KIF1B: variants seen among roughly 807,000 people sequenced by gnomAD.
KIF1B encodes the protein kinesin-like protein KIF1B.
KIF1B carries 76 observed loss-of-function variants against 241.9 expected under a neutral mutation model. That is an observed-to-expected ratio of 0.31 (90% CI 0.26 to 0.38). KIF1B has a LOEUF of 0.38. KIF1B is among the 10% of genes least tolerant of loss of function. KIF1B has a pLI of 1.00. For missense variants in KIF1B, 1,622 were observed against 2,271.4 expected (o/e 0.71, Z 5.81); for synonymous variants, 750 against 796.7 (o/e 0.94, Z 0.99).
chr1:10,369,105 G>T (rs1288362968), intron 44 of KIF1B, among the ~76,000 whole-genome samples: 1 of 152,116 alleles, frequency 6.6e-6, no homozygotes, highest in Non-Finnish European at 1.5e-5. Flanking sequence ...CACCTCCTGT[G>T]AGTCGACTCT....
intron 2 of KIF1B, among the ~76,000 whole-genome samples, chr1:10,246,112 A>C (rs573572952): frequency 3.9e-5 from 6 of 152,274 alleles, no homozygotes; most frequent in African/African-American, 1.4e-4. Flanking sequence ...CCAGCTGCCA[A>C]CTGAACTCTA....
intron 28 of KIF1B, among the ~76,000 whole-genome samples, chr1:10,336,028 T>C: frequency 6.6e-6 from 1 of 152,184 alleles, no homozygotes. Context: ...TATATGGAAG[T>C]CTCCTCCACA....
At chr1:10,260,078 C>T (rs1425314243) in intron 4 of KIF1B, among the ~76,000 whole-genome samples, 4 of 152,088 alleles carry the variant, frequency 2.6e-5, no homozygotes, top group African/African-American at 9.7e-5. Context: ...GTGCTTTTGT[C>T]ATTGTACAGA....
At chr1:10,304,508 A>T in intron 22 of KIF1B, 1 of 1,612,982 alleles carries the variant, frequency 6.2e-7, no homozygotes, top group African/African-American at 1.3e-5. Flanking sequence ...ACTGGAGGTC[A>T]GTTAGAGGGC....
At chr1:10,372,039 C>T (rs951794791) in intron 45 of KIF1B, among the ~76,000 whole-genome samples, 3 of 152,196 alleles carry the variant, frequency 2.0e-5, no homozygotes, top group Non-Finnish European at 4.4e-5. Flanking sequence ...CAATTATGCT[C>T]ACCTGGTTAT....
At position 10,248,427 on chromosome 1, in the gene KIF1B, C is replaced by T. The variant is rs571265752; in HGVS notation, c.107-7820C>T. On this transcript the variant is annotated intron_variant, in intron 2 of 48. Transcript: ENST00000676179. ...TGTTGCCCAGGCTGGTCTCAAACTC[C>T]TGGGCTCAAGTGATCCTCCTACCTC... Among the ~76,000 whole-genome samples, 7 of 152,210 alleles carry T rather than the reference C, an allele frequency of 4.6e-5. 2 individuals are homozygous for T. The highest frequency in any genetic ancestry group is 1.7e-4 in the African/African-American group (7 of 41,522).
chr1:10,346,460 G>A lies in KIF1B; in HGVS notation c.3797+507G>A, dbSNP rs1037031480. Among the ~76,000 whole-genome samples, 122 of 152,166 alleles carry A rather than the reference G, an allele frequency of 8.0e-4. 2 individuals are homozygous for A. Among genetic ancestry groups the A allele is most frequent in the African/African-American group, 2.9e-3 (121 of 41,522 alleles). On this transcript the variant is annotated intron_variant, in intron 35 of 48. Coordinates refer to ENST00000676179, the MANE Select transcript of KIF1B (RefSeq NM_001365951.3). The stretch of plus-strand genomic sequence containing the variant: ...GCTCACTGCAACCTCTGCCTCCCAG[G>A]TTCAAGCGATTCTCCTGCCTCAGCC...
At chr1:10,276,956 C>T (rs1316556176) in intron 12 of KIF1B, among the ~76,000 whole-genome samples, 1 of 152,012 alleles carries the variant, frequency 6.6e-6, no homozygotes, top group East Asian at 1.9e-4. Context: ...TGCCATGCAC[C>T]TGTAATCCTA....
chr1:10,297,137 A>G, intron 21 of KIF1B, 37 bp from the exon 22 acceptor site: 2 of 1,604,602 alleles, frequency 1.2e-6, no homozygotes, highest in Non-Finnish European at 1.7e-6. Context: ...TAATACTAAT[A>G]GCATTCTTGA....
At chr1:10,216,956 T>TC (rs1646775618) in intron 1 of KIF1B, among the ~76,000 whole-genome samples, 1 of 108,424 alleles carries the variant, frequency 9.2e-6, no homozygotes, top group Non-Finnish European at 1.9e-5. Context: ...TTGCCCATTT[T>TC]CTTTTTTTTT....
At chr1:10,268,320 C>T (rs565962193) in intron 7 of KIF1B, 57 bp downstream of exon 7, 2 of 1,171,286 alleles carry the variant, frequency 1.7e-6, no homozygotes, top group East Asian at 2.4e-5. Context: ...TTTGAGAAGT[C>T]CCTTTTGTTG....
At position 10,368,492 on chromosome 1, in the gene KIF1B, T is replaced by C; in HGVS notation, c.4778T>C (p.Phe1593Ser). The C allele has an allele frequency of 6.2e-7, 1 of 1,614,052 alleles. No individual in the cohort carries two copies. Among genetic ancestry groups the C allele is most frequent in the Non-Finnish European group, 8.5e-7 (1 of 1,179,956 alleles). ...TGCCTGCAACTTCTCACCCACACTT[T>C]CAACAGAGAATTCAGCCAGGTGCAC... is the stretch of plus-strand genomic sequence containing the variant. Reference protein sequence around the residue: ...TKCLQLLTHTFNREFSQVHGS... With the variant: ...TKCLQLLTHTSNREFSQVHGS... The change falls in exon 44 of 49, where the codon TTC becomes TCC. Residue 1593 changes from phenylalanine (F) to serine (S), a missense_variant. Around this residue, in one of 7 missense-constraint regions of KIF1B, gnomAD observed 357 missense variants for 409.0 expected, o/e 0.87. Transcript: ENST00000676179.
At chr1:10,267,087 G>A (rs939386256) in intron 5 of KIF1B, among the ~76,000 whole-genome samples, 3 of 151,280 alleles carry the variant, frequency 2.0e-5, no homozygotes, top group Non-Finnish European at 4.4e-5. Context: ...GTGTGATATC[G>A]GCTCACTCTA....
chr1:10,259,092 C>G (rs1335402725), intron 4 of KIF1B, among the ~76,000 whole-genome samples: 1 of 148,688 alleles, frequency 6.7e-6, no homozygotes, highest in Non-Finnish European at 1.5e-5. Flanking sequence ...GAGATACTTT[C>G]ATTTTATTTT....
At chr1:10,224,889 G>A (rs796333115) in intron 1 of KIF1B, among the ~76,000 whole-genome samples, 19 of 152,240 alleles carry the variant, frequency 1.2e-4, no homozygotes, top group African/African-American at 4.3e-4. Flanking sequence ...TGTGGAAGAC[G>A]GTTTTTCCAC....
intron 28 of KIF1B, among the ~76,000 whole-genome samples, chr1:10,336,302 C>A (rs976548592): frequency 6.6e-6 from 1 of 152,148 alleles, no homozygotes; most frequent in Non-Finnish European, 1.5e-5. Context: ...GTGCCCGCCA[C>A]CACGCCCGGC....
At chr1:10,249,078 C>T (rs1253467017) in intron 2 of KIF1B, among the ~76,000 whole-genome samples, 2 of 152,208 alleles carry the variant, frequency 1.3e-5, no homozygotes, top group Non-Finnish European at 2.9e-5. Flanking sequence ...GGAAAAGTGG[C>T]GACTTGTCCT....
At chr1:10,297,797 T>G (rs1302873937) in intron 22 of KIF1B, among the ~76,000 whole-genome samples, 1 of 152,162 alleles carries the variant, frequency 6.6e-6, no homozygotes, top group African/African-American at 2.4e-5. Context: ...GAATTCTCAA[T>G]CAGGTTCTCA....
At chr1:10,246,153 A>G (rs1647208260) in intron 2 of KIF1B, among the ~76,000 whole-genome samples, 1 of 152,184 alleles carries the variant, frequency 6.6e-6, no homozygotes, top group Admixed American at 6.5e-5. Flanking sequence ...CTCAAACTCA[A>G]CATGTCCTAA....
Sources: gnomAD v4.1 joint callset for allele counts (sites outside exome capture counted in the v4.1 genomes callset) on GRCh38, gnomAD v4.1.1 for gene constraint, gnomAD v4.1.1 regional missense constraint, MANE v1.5 for transcripts, NCBI Gene and HGNC (gene_info 2026-07-23, HGNC 2026-07-21) for gene names.